Variants in SHISA9 observed in about 807,000 individuals in gnomAD.
SHISA9 encodes protein shisa-9.
SHISA9 carries 13 observed loss-of-function variants against 38.0 expected under a neutral mutation model. The observed-to-expected ratio is 0.34, with a 90% CI of 0.22 to 0.54. The LOEUF is 0.54. Ranked by LOEUF, SHISA9 falls within the 20% of genes least tolerant of loss-of-function variation. The probability of loss-of-function intolerance (pLI) is 0.91; values close to 1 mark genes in which losing one functional copy is unlikely to be tolerated. For missense variants in SHISA9, 538 were observed against 575.8 expected (o/e 0.93, Z 0.67); for synonymous variants, 275 against 242.0 (o/e 1.14, Z -1.27).
chr16:13,319,581 C>T, the SHISA9 span, among the ~76,000 whole-genome samples: 1 of 152,154 alleles, frequency 6.6e-6, no homozygotes, highest in African/African-American at 2.4e-5. Context: ...TCAAGTGAGC[C>T]TCCTCCCTTT....
At chr16:12,973,063 C>T (rs1160050079) in intron 2 of SHISA9, among the ~76,000 whole-genome samples, 1 of 152,178 alleles carries the variant, frequency 6.6e-6, no homozygotes, top group Non-Finnish European at 1.5e-5. Context: ...TTGCAGTGAG[C>T]TGAGATTGTG....
chr16:13,132,837 A>G (rs2050317625), intron 2 of SHISA9, among the ~76,000 whole-genome samples: 1 of 152,228 alleles, frequency 6.6e-6, no homozygotes, highest in African/African-American at 2.4e-5. Flanking sequence ...AGTTGTAAGA[A>G]ACTTTTCTGT....
At position 13,235,487 on chromosome 16, in the gene SHISA9, A is replaced by T. The variant is rs2051374412; in HGVS notation, c.*78A>T. The T allele has an allele frequency of 1.4e-6, 2 of 1,424,310 alleles. No individual in the cohort carries two copies. The highest frequency in any genetic ancestry group is 1.9e-6 in the Non-Finnish European group (2 of 1,078,546). The allele number at this position is 1,424,310 out of a possible 1,614,324, so 88.2% of individuals were successfully genotyped here. A position where few individuals can be genotyped will look rare whatever the true frequency, so the allele number is the denominator to read the frequency against. On this transcript the variant is annotated 3_prime_UTR_variant, in exon 5 of 5. Coordinates refer to ENST00000558583, the MANE Select transcript of SHISA9 (RefSeq NM_001145204.3). ...AAACAACCCCGCCCACACCCTCCCC[A>T]TCCTCCCCTAATACATGCGTCCACA...
At chr16:13,290,843 G>A in the SHISA9 span, among the ~76,000 whole-genome samples, 13 of 152,276 alleles carry the variant, frequency 8.5e-5, no homozygotes, top group Non-Finnish European at 1.3e-4. Context: ...AGGAATGGAG[G>A]ATCAGAGCGT....
chr16:13,085,011 G>T (rs2073694627), intron 2 of SHISA9, among the ~76,000 whole-genome samples: 1 of 152,160 alleles, frequency 6.6e-6, no homozygotes, highest in African/African-American at 2.4e-5. Context: ...TAAAAGGGAA[G>T]ACATAAAGTG....
chr16:13,323,497 G>C, the SHISA9 span, among the ~76,000 whole-genome samples: 1 of 152,158 alleles, frequency 6.6e-6, no homozygotes, highest in Non-Finnish European at 1.5e-5. Flanking sequence ...TTGGCTGTTT[G>C]TCCTCTCCAA....
the SHISA9 span, among the ~76,000 whole-genome samples, chr16:13,507,094 T>C: frequency 6.6e-6 from 1 of 152,022 alleles, no homozygotes; most frequent in African/African-American, 2.4e-5. Context: ...TAAAATCTGG[T>C]TTGATGACTC....
chr16:13,313,027 G>T, the SHISA9 span, among the ~76,000 whole-genome samples: 1 of 151,504 alleles, frequency 6.6e-6, no homozygotes. Context: ...AGGCCGAGGC[G>T]GGCGGATCAC....
At chr16:13,515,039 G>A in the SHISA9 span, among the ~76,000 whole-genome samples, 3 of 152,072 alleles carry the variant, frequency 2.0e-5, no homozygotes, top group Admixed American at 6.6e-5. Context: ...TAGTGGAGTA[G>A]CTTTTTTAAA....
chr16:13,249,918 G>A, the SHISA9 span, among the ~76,000 whole-genome samples: 1 of 152,010 alleles, frequency 6.6e-6, no homozygotes, highest in Admixed American at 6.6e-5. Context: ...TTTTTTTGTA[G>A]AGCCAGGGTT....
At chr16:13,540,294 C>A in the SHISA9 span, among the ~76,000 whole-genome samples, 2 of 151,948 alleles carry the variant, frequency 1.3e-5, no homozygotes, top group East Asian at 3.9e-4. Context: ...CAATGCAGAC[C>A]AACCTAATTT....
At chr16:13,292,739 G>C in the SHISA9 span, among the ~76,000 whole-genome samples, 79 of 152,190 alleles carry the variant, frequency 5.2e-4, no homozygotes, top group Non-Finnish European at 8.8e-4. Flanking sequence ...AGGACTCTGA[G>C]GCTGTCTTGT....
chr16:13,244,524 A>T (rs1255669397), downstream of SHISA9, among the ~76,000 whole-genome samples: 1 of 152,234 alleles, frequency 6.6e-6, no homozygotes, highest in Non-Finnish European at 1.5e-5. Context: ...AGCTTACTTT[A>T]TCATAAGCAC....
intron 2 of SHISA9, among the ~76,000 whole-genome samples, chr16:12,983,107 G>C (rs1430123877): frequency 6.6e-6 from 1 of 152,230 alleles, no homozygotes; most frequent in African/African-American, 2.4e-5. Context: ...TTTAGAATCA[G>C]GTTTGGGGTG....
chr16:13,257,489 A>G, the SHISA9 span, among the ~76,000 whole-genome samples: 2 of 152,138 alleles, frequency 1.3e-5, no homozygotes, highest in Non-Finnish European at 2.9e-5. Context: ...ATACACCATC[A>G]TCATCATCAC....
the SHISA9 span, among the ~76,000 whole-genome samples, chr16:13,530,810 C>T: frequency 6.6e-6 from 1 of 152,150 alleles, no homozygotes; most frequent in Non-Finnish European, 1.5e-5. Context: ...CCTGATTGGT[C>T]TGGAGAAAAT....
intron 4 of SHISA9, among the ~76,000 whole-genome samples, chr16:13,230,213 T>TTG: frequency 6.6e-6 from 1 of 152,186 alleles, no homozygotes; most frequent in African/African-American, 2.4e-5. Flanking sequence ...CTGTTTCTGA[T>TTG]TCTTCTTCAT....
chr16:13,519,224 C>G, the SHISA9 span, among the ~76,000 whole-genome samples: 1 of 152,102 alleles, frequency 6.6e-6, no homozygotes, highest in Non-Finnish European at 1.5e-5. Context: ...GTGTAAATGG[C>G]AGAAAATAAT....
At chr16:13,052,420 A>T (rs1399696959) in intron 2 of SHISA9, among the ~76,000 whole-genome samples, 32 of 152,224 alleles carry the variant, frequency 2.1e-4, no homozygotes, top group Non-Finnish European at 2.9e-5. Flanking sequence ...CAAGAAGCCC[A>T]CTGTCTTGTG....
Sources: allele counts gnomAD v4.1 joint callset (sites outside exome capture counted in the v4.1 genomes callset), GRCh38; gene constraint gnomAD v4.1.1; transcripts MANE v1.5; gene names NCBI Gene and HGNC (gene_info 2026-07-23, HGNC 2026-07-21).